SNCAIP: variants seen among roughly 807,000 people sequenced by gnomAD.
The protein encoded by SNCAIP is synuclein alpha interacting protein.
A neutral mutation model predicts 86.7 loss-of-function variants in SNCAIP; 43 were observed. The observed-to-expected ratio is 0.50, with a 90% CI of 0.39 to 0.64. The LOEUF is 0.64. Ranked by LOEUF, SNCAIP falls within the 30% of genes least tolerant of loss-of-function variation. The probability of loss-of-function intolerance (pLI) is 0.00; values close to 1 mark genes in which losing one functional copy is unlikely to be tolerated. For missense variants in SNCAIP, 981 were observed against 1,103.1 expected (o/e 0.89, Z 1.57); for synonymous variants, 417 against 427.2 (o/e 0.98, Z 0.29).
At chr5:122,377,113 A>G (rs1255158259) in intron 1 of SNCAIP, among the ~76,000 whole-genome samples, 1 of 152,142 alleles carries the variant, frequency 6.6e-6, no homozygotes, top group Non-Finnish European at 1.5e-5. Flanking sequence ...TTGAAGTTAA[A>G]TCCTCCTTTT....
At chr5:122,415,282 C>T (rs1273394553) in intron 3 of SNCAIP, among the ~76,000 whole-genome samples, 1 of 152,212 alleles carries the variant, frequency 6.6e-6, no homozygotes, top group Non-Finnish European at 1.5e-5. Flanking sequence ...ACAGACCTGC[C>T]AAGAGCAAGA....
At chr5:122,380,253 C>T (rs1198304219) in intron 1 of SNCAIP, among the ~76,000 whole-genome samples, 1 of 152,112 alleles carries the variant, frequency 6.6e-6, no homozygotes, top group East Asian at 1.9e-4. Flanking sequence ...TCAACTTCTT[C>T]CTGGTTTATT....
At chr5:122,411,615 G>C (rs1234087924) in intron 3 of SNCAIP, among the ~76,000 whole-genome samples, 1 of 151,786 alleles carries the variant, frequency 6.6e-6, no homozygotes, top group African/African-American at 2.4e-5. Flanking sequence ...CAAAATCCTA[G>C]AATCTCATAG....
At chr5:122,386,751 G>A (rs1280847341) in intron 1 of SNCAIP, among the ~76,000 whole-genome samples, 3 of 151,196 alleles carry the variant, frequency 2.0e-5, no homozygotes, top group Non-Finnish European at 4.4e-5. Context: ...TGGGAGAGCT[G>A]AACCATTGAA....
chr5:122,435,926 C>G (rs1310911670), intron 6 of SNCAIP, among the ~76,000 whole-genome samples: 1 of 152,164 alleles, frequency 6.6e-6, no homozygotes, highest in African/African-American at 2.4e-5. Flanking sequence ...CGCATCTGCT[C>G]TCCAAGTTCT....
chr5:122,431,273 G>A (rs966090703), intron 5 of SNCAIP, among the ~76,000 whole-genome samples: 2 of 152,058 alleles, frequency 1.3e-5, no homozygotes, highest in Non-Finnish European at 2.9e-5. Context: ...AGAAATAAAA[G>A]CATGTATTCA....
rs1021899474 is a variant in SNCAIP at position 122,403,950 on chromosome 5, C to T, written c.130+85C>T. 11 of 989,574 alleles carry T rather than the reference C, an allele frequency of 1.1e-5. No homozygotes were observed. The African/African-American group carries it at 1.7e-4, about 16-fold the overall frequency. The allele number at this position is 989,574 out of a possible 1,614,324, so 61.3% of individuals were successfully genotyped here. A position where few individuals can be genotyped will look rare whatever the true frequency, so the allele number is the denominator to read the frequency against. ...AGCTGTTTTTCCTCACACTGGTCCC[C>T]CCTGCTTTCAGTTTTCTTTTCTCTT... On this transcript the variant is annotated intron_variant, in intron 3 of 10. Coordinates refer to ENST00000261368, the MANE Select transcript of SNCAIP (RefSeq NM_005460.4).
At chr5:122,412,070 G>A (rs1026036693) in intron 3 of SNCAIP, among the ~76,000 whole-genome samples, 9 of 152,142 alleles carry the variant, frequency 5.9e-5, no homozygotes, top group South Asian at 2.1e-4. Flanking sequence ...TGCCAGTCAC[G>A]TCAAGGAGCC....
chr5:122,319,140 T>G (rs556193874), intron 1 of SNCAIP, among the ~76,000 whole-genome samples: 1 of 152,188 alleles, frequency 6.6e-6, no homozygotes, highest in Admixed American at 6.5e-5. Context: ...TCATCTGTTA[T>G]TTTTTGTTGT....
intron 7 of SNCAIP, chr5:122,444,342 C>T (rs777108113): frequency 4.0e-5 from 24 of 600,526 alleles, no homozygotes; most frequent in Non-Finnish European, 6.1e-6. Context: ...CAGCCTCCTC[C>T]TCTCCTTCCC....
At chr5:122,399,508 T>C (rs1437736413) in intron 2 of SNCAIP, among the ~76,000 whole-genome samples, 1 of 152,198 alleles carries the variant, frequency 6.6e-6, no homozygotes, top group Non-Finnish European at 1.5e-5. Context: ...AATGATTTAT[T>C]GCTAGACTTG....
chr5:122,315,456 C>G (rs1337491737), intron 1 of SNCAIP, among the ~76,000 whole-genome samples: 2 of 152,168 alleles, frequency 1.3e-5, no homozygotes. Flanking sequence ...TTAGCCATGT[C>G]AAGTCAGAAG....
chr5:122,376,195 A>G (rs1238315894), intron 1 of SNCAIP, among the ~76,000 whole-genome samples: 1 of 152,160 alleles, frequency 6.6e-6, no homozygotes, highest in African/African-American at 2.4e-5. Context: ...CTCATAAACA[A>G]TCAGAATGAA....
chr5:122,451,694 G>A, intron 10 of SNCAIP, 93 bp downstream of exon 10: 1 of 942,848 alleles, frequency 1.1e-6, no homozygotes. Flanking sequence ...TACCTTGAGG[G>A]AATCCCCAGG....
intron 10 of SNCAIP, among the ~76,000 whole-genome samples, chr5:122,456,106 C>G (rs1263869897): frequency 6.6e-6 from 1 of 152,174 alleles, no homozygotes; most frequent in Non-Finnish European, 1.5e-5. Context: ...CCCCTGGCCA[C>G]CACCAGTAAC....
rs1010198521 is a variant in SNCAIP at position 122,449,721 on chromosome 5, G to T, written c.1593-124G>T. 15 of 765,356 alleles carry T rather than the reference G, an allele frequency of 2.0e-5. No homozygotes were observed. In the South Asian group the frequency reaches 2.2e-4, roughly 11 times the overall value. The allele number at this position is 765,356 out of a possible 1,614,324, so 47.4% of individuals were successfully genotyped here. A position where few individuals can be genotyped will look rare whatever the true frequency, so the allele number is the denominator to read the frequency against. On this transcript the variant is annotated intron_variant, in intron 8 of 10. Transcript: ENST00000261368. ...CTGAACCTGTAAGGATGAATATTAT[G>T]CACATTTTAAGGCTTTTGTATTTAT...
At chr5:122,404,363 T>G (rs1056930434) in intron 3 of SNCAIP, among the ~76,000 whole-genome samples, 1 of 152,152 alleles carries the variant, frequency 6.6e-6, no homozygotes, top group African/African-American at 2.4e-5. Flanking sequence ...GCTTTGGAGT[T>G]TAATAGTGTA....
At chr5:122,312,760 C>G (rs535184672) in intron 1 of SNCAIP, 1 of 152,742 alleles carries the variant, frequency 6.5e-6, no homozygotes, top group South Asian at 2.1e-4. Flanking sequence ...TGCTGCCGCC[C>G]CTCGCTCATC....
chr5:122,344,392 A>G (rs1758190730), intron 1 of SNCAIP, among the ~76,000 whole-genome samples: 1 of 152,226 alleles, frequency 6.6e-6, no homozygotes, highest in African/African-American at 2.4e-5. Context: ...CATTCTACTT[A>G]ATGGTTTTAT....
Sources: allele counts gnomAD v4.1 joint callset (sites outside exome capture counted in the v4.1 genomes callset), GRCh38; gene constraint gnomAD v4.1.1; transcripts MANE v1.5; gene names NCBI Gene and HGNC (gene_info 2026-07-23, HGNC 2026-07-21).